Variants in ESRRG observed in about 807,000 individuals in gnomAD.
ESRRG encodes estrogen related receptor gamma, also known as estrogen-related receptor gamma.
A neutral mutation model predicts 44.0 loss-of-function variants in ESRRG; 13 were observed. The observed-to-expected ratio is 0.30, with a 90% CI of 0.19 to 0.47. The LOEUF (loss-of-function observed/expected upper bound fraction) is 0.47. Ranked by LOEUF, ESRRG falls within the 20% of genes least tolerant of loss-of-function variation. ESRRG has a pLI of 1.00. For synonymous variants in ESRRG, 215 were observed against 214.6 expected (o/e 1.00, Z -0.02); for missense variants, 395 against 580.6 (o/e 0.68, Z 3.29).
chr1:216,815,321 C>T (rs966400191), intron 2 of ESRRG, among the ~76,000 whole-genome samples: 1 of 152,102 alleles, frequency 6.6e-6, no homozygotes, highest in Non-Finnish European at 1.5e-5. Flanking sequence ...ATATTATCAT[C>T]CAAAGTTTAC....
intron 2 of ESRRG, among the ~76,000 whole-genome samples, chr1:216,903,862 G>T (rs1036860148): frequency 2.0e-5 from 3 of 152,062 alleles, no homozygotes; most frequent in Admixed American, 1.3e-4. Context: ...CTCTCTGCAG[G>T]ATCCAATTAT....
chr1:216,764,610 T>C (rs1285257431), intron 2 of ESRRG, among the ~76,000 whole-genome samples: 1 of 151,960 alleles, frequency 6.6e-6, no homozygotes, highest in Non-Finnish European at 1.5e-5. Context: ...CAAACTTCCC[T>C]CCTCAGCCTG....
At chr1:216,872,179 T>C (rs1021759468) in intron 2 of ESRRG, among the ~76,000 whole-genome samples, 3 of 152,192 alleles carry the variant, frequency 2.0e-5, no homozygotes, top group African/African-American at 7.2e-5. Flanking sequence ...ATTTAAATTG[T>C]TCCTCTATAG....
chr1:216,639,859 T>C (rs2066033582), intron 3 of ESRRG, among the ~76,000 whole-genome samples: 1 of 152,210 alleles, frequency 6.6e-6, no homozygotes, highest in Non-Finnish European at 1.5e-5. Context: ...CAGATAGTCA[T>C]CTATAAAAGA....
chr1:216,842,145 T>C (rs552754834), intron 2 of ESRRG, among the ~76,000 whole-genome samples: 2 of 152,326 alleles, frequency 1.3e-5, no homozygotes, highest in South Asian at 2.1e-4. Flanking sequence ...AAGATCATTT[T>C]TGATGCAGGA....
intron 1 of ESRRG, chr1:216,939,817 T>C (rs981506085): frequency 6.6e-5 from 10 of 152,124 alleles, no homozygotes; most frequent in African/African-American, 9.7e-5. Context: ...TATGACTTAG[T>C]ATGCTCTGCC....
intron 2 of ESRRG, among the ~76,000 whole-genome samples, chr1:216,675,711 C>T (rs1218929613): frequency 6.6e-6 from 1 of 152,134 alleles, no homozygotes; most frequent in Non-Finnish European, 1.5e-5. Flanking sequence ...TGAGTTAATA[C>T]AGGATGGGGC....
At chr1:216,621,772 A>C in intron 3 of ESRRG, among the ~76,000 whole-genome samples, 1 of 152,190 alleles carries the variant, frequency 6.6e-6, no homozygotes, top group Non-Finnish European at 1.5e-5. Flanking sequence ...TCATGAAGTG[A>C]TTATTGCTCC....
At chr1:216,591,055 G>C (rs1309345658) in intron 3 of ESRRG, among the ~76,000 whole-genome samples, 1 of 152,032 alleles carries the variant, frequency 6.6e-6, no homozygotes, top group Non-Finnish European at 1.5e-5. Context: ...GAGTGAAAAG[G>C]GTGAGGAGAA....
chr1:216,723,454 A>AAT, upstream of ESRRG: 1 of 672,170 alleles, frequency 1.5e-6, no homozygotes. Flanking sequence ...TCAAGGACTT[A>AAT]AAGCCCCGAT....
At chr1:216,515,480 C>T (rs1220428311) in intron 6 of ESRRG, among the ~76,000 whole-genome samples, 1 of 152,100 alleles carries the variant, frequency 6.6e-6, no homozygotes, top group Non-Finnish European at 1.5e-5. Flanking sequence ...CATAAACTTT[C>T]TATACCTTGA....
chr1:216,609,284 T>G (rs1180397644), intron 3 of ESRRG, among the ~76,000 whole-genome samples: 3 of 152,252 alleles, frequency 2.0e-5, no homozygotes, highest in African/African-American at 7.2e-5. Flanking sequence ...GTGGCTTTTG[T>G]TTATGATTAT....
intron 6 of ESRRG, among the ~76,000 whole-genome samples, chr1:216,508,376 C>T (rs2148727209): frequency 6.6e-6 from 1 of 152,180 alleles, no homozygotes; most frequent in South Asian, 2.1e-4. Flanking sequence ...CCACTATTTA[C>T]ATTAGGTAGT....
chr1:216,788,066 A>G (rs574691848), intron 2 of ESRRG, among the ~76,000 whole-genome samples: 25 of 152,322 alleles, frequency 1.6e-4, no homozygotes, highest in African/African-American at 6.0e-4. Context: ...AGTCATCACC[A>G]TAATATAAAA....
intron 1 of ESRRG, among the ~76,000 whole-genome samples, chr1:217,095,001 T>C (rs888489085): frequency 6.6e-6 from 1 of 151,938 alleles, no homozygotes; most frequent in Non-Finnish European, 1.5e-5. Context: ...TAAGAAACTC[T>C]TGAAGTTGTA....
chr1:216,596,375 G>T (rs1009126908), intron 3 of ESRRG, among the ~76,000 whole-genome samples: 3 of 152,174 alleles, frequency 2.0e-5, no homozygotes, highest in African/African-American at 4.8e-5. Context: ...AGAGATGGAG[G>T]GGGCAGTGCT....
At chr1:217,073,197 C>CAAAAAAAAA (rs34950214) in intron 1 of ESRRG, among the ~76,000 whole-genome samples, 3 of 75,984 alleles carry the variant, frequency 3.9e-5, no homozygotes, top group African/African-American at 5.2e-5. Context: ...CCTTTCTGGA[C>CAAAAAAAAA]AAAAAAAAAA....
intron 3 of ESRRG, among the ~76,000 whole-genome samples, chr1:216,618,759 T>C (rs1220491149): frequency 6.6e-6 from 1 of 152,224 alleles, no homozygotes; most frequent in Non-Finnish European, 1.5e-5. Flanking sequence ...TTGCCTTCTA[T>C]GTTTAAGGTT....
intron 1 of ESRRG, among the ~76,000 whole-genome samples, chr1:216,945,715 A>C (rs554959902): frequency 5.3e-5 from 8 of 152,222 alleles, no homozygotes; most frequent in Non-Finnish European, 1.0e-4. Context: ...AAGAAATTGC[A>C]TCATTCACAT....
Sources: gnomAD v4.1 joint callset for allele counts (sites outside exome capture counted in the v4.1 genomes callset) on GRCh38, gnomAD v4.1.1 for gene constraint, MANE v1.5 for transcripts, NCBI Gene and HGNC (gene_info 2026-07-23, HGNC 2026-07-21) for gene names.